OSBPL8: variants seen among roughly 807,000 people sequenced by gnomAD.
The protein encoded by OSBPL8 is oxysterol binding protein like 8, also known as oxysterol-binding protein-related protein 8.
In OSBPL8, 59 loss-of-function variants were observed where a neutral mutation model predicts 125.5. The ratio of observed to expected loss-of-function variants is 0.47; its 90% CI spans 0.38 to 0.58. OSBPL8 has a LOEUF of 0.58. Ranked by LOEUF, OSBPL8 falls within the 20% of genes least tolerant of loss-of-function variation. OSBPL8 has a pLI of 0.00. For synonymous variants in OSBPL8, 330 were observed against 338.9 expected, an observed-to-expected ratio of 0.97 and a Z score of 0.29; for missense variants, 758 against 1,047.8, an observed-to-expected ratio of 0.72 and a Z score of 3.82.
At chr12:76,442,104 T>A (rs954466552) in intron 4 of OSBPL8, among the ~76,000 whole-genome samples, 2 of 152,162 alleles carry the variant, frequency 1.3e-5, no homozygotes, top group Non-Finnish European at 2.9e-5. Flanking sequence ...ATAAAAAAAA[T>A]TCTTTGGTGT....
intron 8 of OSBPL8, 101 bp downstream of exon 8, chr12:76,397,593 T>A (rs1953865217): frequency 8.6e-7 from 1 of 1,161,000 alleles, no homozygotes; most frequent in South Asian, 1.5e-5. Context: ...AACAGATTTA[T>A]AAGTCCTGGC....
chr12:76,434,319 T>C (rs1378520652), intron 4 of OSBPL8, among the ~76,000 whole-genome samples: 1 of 152,142 alleles, frequency 6.6e-6, no homozygotes, highest in Non-Finnish European at 1.5e-5. Context: ...GAAAGAAATT[T>C]GTCCCTTATC....
At chr12:76,449,365 A>G (rs1565905658) in intron 4 of OSBPL8, among the ~76,000 whole-genome samples, 2 of 152,218 alleles carry the variant, frequency 1.3e-5, no homozygotes, top group Non-Finnish European at 2.9e-5. Flanking sequence ...TGAATTAGAA[A>G]CTGTGATCCC....
At chr12:76,526,928 G>A (rs1950196198) in intron 1 of OSBPL8, among the ~76,000 whole-genome samples, 1 of 96,598 alleles carries the variant, frequency 1.0e-5, no homozygotes, top group East Asian at 2.3e-4. Context: ...GGGATTACAG[G>A]TGTGAGCCAC....
intron 4 of OSBPL8, among the ~76,000 whole-genome samples, chr12:76,429,396 T>C (rs1870540160): frequency 6.6e-6 from 1 of 151,908 alleles, no homozygotes; most frequent in Non-Finnish European, 1.5e-5. Context: ...TACTGAGCTT[T>C]CAATATGAAT....
chr12:76,500,713 C>A (rs1168645543), intron 1 of OSBPL8, among the ~76,000 whole-genome samples: 1 of 152,016 alleles, frequency 6.6e-6, no homozygotes, highest in Non-Finnish European at 1.5e-5. Context: ...TAAAGATTTT[C>A]CTTCTTTTTT....
At chr12:76,480,928 G>T (rs577662850) in intron 2 of OSBPL8, among the ~76,000 whole-genome samples, 1 of 152,272 alleles carries the variant, frequency 6.6e-6, no homozygotes, top group East Asian at 1.9e-4. Context: ...GCAGTTATCT[G>T]ATTTTCTGAG....
chr12:76,422,013 A>C (rs370340075), intron 4 of OSBPL8, among the ~76,000 whole-genome samples: 2 of 152,170 alleles, frequency 1.3e-5, no homozygotes, highest in African/African-American at 4.8e-5. Context: ...CTTTAGTCAG[A>C]ATTTAAGATA....
chr12:76,501,737 C>A (rs776485593), intron 1 of OSBPL8, among the ~76,000 whole-genome samples: 1 of 152,204 alleles, frequency 6.6e-6, no homozygotes, highest in Non-Finnish European at 1.5e-5. Flanking sequence ...AACTGACCAG[C>A]GGTAGAGATC....
At chr12:76,487,750 A>G (rs1346625119) in intron 1 of OSBPL8, 132 bp from the exon 2 acceptor site, 1 of 412,880 alleles carries the variant, frequency 2.4e-6, no homozygotes, top group Non-Finnish European at 4.2e-6. Context: ...TTAAAAAAAA[A>G]ATTGACATGG....
chr12:76,547,307 T>C (rs1950808207), intron 1 of OSBPL8, among the ~76,000 whole-genome samples: 1 of 152,162 alleles, frequency 6.6e-6, no homozygotes. Context: ...TTACCCAGGT[T>C]AATTTACAAT....
chr12:76,530,902 C>A (rs182499012), intron 1 of OSBPL8, among the ~76,000 whole-genome samples: 1 of 152,314 alleles, frequency 6.6e-6, no homozygotes, highest in Admixed American at 6.5e-5. Flanking sequence ...CCAGAAACAA[C>A]ATAAGTTCTC....
At chr12:76,441,003 GA>G (rs1872119706) in intron 4 of OSBPL8, among the ~76,000 whole-genome samples, 1 of 152,068 alleles carries the variant, frequency 6.6e-6, no homozygotes, top group Admixed American at 6.6e-5. Flanking sequence ...GATTTTCTCT[GA>G]ACATCTACTT....
intron 18 of OSBPL8, among the ~76,000 whole-genome samples, chr12:76,372,081 T>C (rs1461746208): frequency 6.6e-6 from 1 of 152,212 alleles, no homozygotes; most frequent in African/African-American, 2.4e-5. Context: ...TGCTCTCTTG[T>C]GTAGGCTGGA....
At chr12:76,407,234 T>C (rs1013674483) in intron 5 of OSBPL8, among the ~76,000 whole-genome samples, 39 of 152,178 alleles carry the variant, frequency 2.6e-4, no homozygotes, top group Admixed American at 1.1e-3. Flanking sequence ...AGAGAGTTGG[T>C]TGCATGCTCA....
At chr12:76,401,824 A>T (rs1287695193) in intron 6 of OSBPL8, among the ~76,000 whole-genome samples, 1 of 152,180 alleles carries the variant, frequency 6.6e-6, no homozygotes, top group Middle Eastern at 3.2e-3. Context: ...AATTTATCCA[A>T]AATATGAAAG....
At chr12:76,435,114 T>A (rs1026080695) in intron 4 of OSBPL8, among the ~76,000 whole-genome samples, 4 of 151,908 alleles carry the variant, frequency 2.6e-5, no homozygotes, top group Non-Finnish European at 5.9e-5. Context: ...AAATGTCCAC[T>A]GCAGAGAATG....
At chr12:76,404,527 C>T (rs1954175700) in intron 5 of OSBPL8, among the ~76,000 whole-genome samples, 1 of 151,950 alleles carries the variant, frequency 6.6e-6, no homozygotes, top group African/African-American at 2.4e-5. Flanking sequence ...TCTTGCTTCC[C>T]CTACCACCTT....
At chr12:76,553,742 G>A (rs967193040) in intron 1 of OSBPL8, among the ~76,000 whole-genome samples, 1 of 150,968 alleles carries the variant, frequency 6.6e-6, no homozygotes, top group Non-Finnish European at 1.5e-5. Context: ...TTGGGAGGAC[G>A]AGGCAGGTGG....
Sources: gnomAD v4.1 joint callset for allele counts (sites outside exome capture counted in the v4.1 genomes callset) on GRCh38, gnomAD v4.1.1 for gene constraint, MANE v1.5 for transcripts, NCBI Gene and HGNC (gene_info 2026-07-23, HGNC 2026-07-21) for gene names.